GPD2: variants seen among roughly 807,000 people sequenced by gnomAD.
GPD2 encodes glycerol-3-phosphate dehydrogenase 2, also known as glycerol-3-phosphate dehydrogenase, mitochondrial.
Under a neutral mutation model 82.4 loss-of-function variants are expected in GPD2, and 54 were observed. That is an observed-to-expected ratio of 0.66 (90% CI 0.53 to 0.82). The LOEUF is 0.82. GPD2 is among the 40% of genes least tolerant of loss of function. The pLI, the probability that GPD2 is intolerant of heterozygous loss-of-function variation, is 0.00. For missense variants in GPD2, 748 were observed against 896.2 expected (o/e 0.83, Z 2.11); for synonymous variants, 288 against 306.1 (o/e 0.94, Z 0.62).
At chr2:156,557,292 C>T in intron 8 of GPD2, 97 bp from the exon 9 acceptor site, 2 of 801,834 alleles carry the variant, frequency 2.5e-6, no homozygotes, top group Non-Finnish European at 4.3e-6. Flanking sequence ...TTCTTGTTTG[C>T]ATATTTGAGA....
chr2:156,450,687 C>CTTTTTT (rs1382838048), intron 1 of GPD2, among the ~76,000 whole-genome samples: 2 of 91,052 alleles, frequency 2.2e-5, no homozygotes, highest in African/African-American at 8.2e-5. Context: ...TTTTTTATTG[C>CTTTTTT]TCATTCTTGG....
intron 1 of GPD2, among the ~76,000 whole-genome samples, chr2:156,462,379 G>A (rs298251): frequency 0.62 from 94,121 of 151,268 alleles, 30,137 homozygotes; most frequent in East Asian, 0.79. Context: ...TCCGCCTCCC[G>A]GGTTCAAGCA....
chr2:156,469,038 T>C (rs576433364), intron 1 of GPD2, among the ~76,000 whole-genome samples: 2 of 152,358 alleles, frequency 1.3e-5, no homozygotes, highest in East Asian at 3.9e-4. Context: ...AGTTCATTTG[T>C]TTTTATTTTT....
intron 6 of GPD2, among the ~76,000 whole-genome samples, chr2:156,548,846 G>A (rs980359415): frequency 2.0e-5 from 3 of 152,104 alleles, no homozygotes; most frequent in Non-Finnish European, 4.4e-5. Context: ...TTCCTGGTCA[G>A]CGTTAACTCC....
intron 2 of GPD2, among the ~76,000 whole-genome samples, chr2:156,484,258 C>T (rs1394899081): frequency 6.6e-6 from 1 of 152,008 alleles, no homozygotes; most frequent in African/African-American, 2.4e-5. Context: ...GCCTCAGCCC[C>T]CCAACTAGCT....
At chr2:156,508,761 C>T (rs759926024) in intron 3 of GPD2, among the ~76,000 whole-genome samples, 1 of 152,176 alleles carries the variant, frequency 6.6e-6, no homozygotes, top group Admixed American at 6.5e-5. Flanking sequence ...AGAAGAAGAA[C>T]TCTGTGTTGG....
At chr2:156,401,114 G>GT in the GPD2 span, among the ~76,000 whole-genome samples, 6 of 152,142 alleles carry the variant, frequency 3.9e-5, no homozygotes. Flanking sequence ...TCCTGTGTAT[G>GT]ATACCCACAG....
chr2:156,557,404 A>C lies in GPD2; in HGVS notation c.987A>C (p.Gly329=), dbSNP rs777739698. 6.2e-7 allele frequency: 1 copy of C among 1,603,142 alleles called. No homozygotes were observed. The highest frequency in any genetic ancestry group is 8.5e-7 in the Non-Finnish European group (1 of 1,170,440). ...MPGYYSPESM[G]LLDPATSDGR... ...TGTATCTCAGCCCAGAGAGCATGGGACTTCTTGACCCAGCGACCAGTGATG... is the reference window on the plus strand; with the variant it reads ...TGTATCTCAGCCCAGAGAGCATGGGCCTTCTTGACCCAGCGACCAGTGATG... Residue 329 remains glycine (G), a synonymous_variant, in exon 9 of 17, where the codon GGA becomes GGC. Transcript: ENST00000438166.
chr2:156,444,452 C>T (rs892389088), intron 1 of GPD2, among the ~76,000 whole-genome samples: 1 of 152,156 alleles, frequency 6.6e-6, no homozygotes, highest in Non-Finnish European at 1.5e-5. Flanking sequence ...GTGGCTCATG[C>T]CTGTAATCCC....
At chr2:156,414,559 A>G in the GPD2 span, among the ~76,000 whole-genome samples, 1 of 152,212 alleles carries the variant, frequency 6.6e-6, no homozygotes, top group South Asian at 2.1e-4. Flanking sequence ...TACATGCTTT[A>G]TGGAAAAGAT....
Position 156,470,120 on chromosome 2 carries a change from C to T in GPD2, c.-8-5978C>T, listed in dbSNP as rs375261271. ...CAAGATGGAGTTCCTCTGGTTCACA[C>T]GCCTCTGACAAAGGGACCCAGGGCT... On this transcript the variant is annotated intron_variant, in intron 1 of 16. Transcript: ENST00000438166. Among the ~76,000 whole-genome samples the T allele has an allele frequency of 1.4e-4, 22 of 152,258 alleles. No individual in the cohort carries two copies. In the East Asian group the frequency reaches 2.5e-3, roughly 17 times the overall value.
intron 6 of GPD2, among the ~76,000 whole-genome samples, chr2:156,540,746 C>T (rs946598070): frequency 2.0e-5 from 3 of 152,248 alleles, no homozygotes; most frequent in East Asian, 1.9e-4. Context: ...AAAACCATTC[C>T]CCATCTTCCT....
chr2:156,416,176 A>G, the GPD2 span, among the ~76,000 whole-genome samples: 1 of 150,956 alleles, frequency 6.6e-6, no homozygotes, highest in Non-Finnish European at 1.5e-5. Context: ...GTATATACAT[A>G]TATATATATA....
rs1688123411 is a variant in GPD2 at position 156,583,965 on chromosome 2, A to G, written c.*1047A>G. Reference sequence around the variant, plus strand: ...AGTAAAGGAAGATGGAATAGACTTTAGTTAACTTTAATTATAATTATATGT... The same window carrying G: ...AGTAAAGGAAGATGGAATAGACTTTGGTTAACTTTAATTATAATTATATGT... On this transcript the variant is annotated 3_prime_UTR_variant, in exon 17 of 17. Coordinates refer to ENST00000438166, the MANE Select transcript of GPD2 (RefSeq NM_000408.5). 6.6e-6 allele frequency: 1 copy of G among 152,178 alleles called. No homozygotes were observed. The highest frequency in any genetic ancestry group is 1.5e-5 in the Non-Finnish European group (1 of 67,984). 9.4% of individuals were successfully genotyped at this position (152,178 alleles called of 1,614,324 possible). A position where few individuals can be genotyped will look rare whatever the true frequency, so the allele number is the denominator to read the frequency against.
At chr2:156,525,296 G>A (rs1468481854) in intron 6 of GPD2, among the ~76,000 whole-genome samples, 2 of 152,132 alleles carry the variant, frequency 1.3e-5, no homozygotes, top group African/African-American at 4.8e-5. Flanking sequence ...GAGCCCTTTT[G>A]ATACCCTGTC....
chr2:156,416,173 C>T, the GPD2 span, among the ~76,000 whole-genome samples: 2 of 149,860 alleles, frequency 1.3e-5, no homozygotes, highest in African/African-American at 4.9e-5. Flanking sequence ...GTTGTATATA[C>T]ATATATATAT....
intron 6 of GPD2, among the ~76,000 whole-genome samples, chr2:156,545,776 T>A (rs1021651376): frequency 6.6e-6 from 1 of 152,212 alleles, no homozygotes; most frequent in Non-Finnish European, 1.5e-5. Context: ...ACATCAGTGA[T>A]TATTTTTCTT....
intron 6 of GPD2, among the ~76,000 whole-genome samples, chr2:156,535,817 G>T (rs904206101): frequency 6.6e-6 from 1 of 152,142 alleles, no homozygotes; most frequent in Non-Finnish European, 1.5e-5. Context: ...TCTTTAAAGC[G>T]GTGTTAGAGA....
intron 6 of GPD2, among the ~76,000 whole-genome samples, chr2:156,534,026 T>C (rs929629164): frequency 1.3e-5 from 2 of 152,220 alleles, no homozygotes; most frequent in African/African-American, 4.8e-5. Flanking sequence ...GGTTCTTGTC[T>C]GGTATCCAGG....
Sources: gnomAD v4.1 joint callset for allele counts (sites outside exome capture counted in the v4.1 genomes callset) on GRCh38, gnomAD v4.1.1 for gene constraint, MANE v1.5 for transcripts, NCBI Gene and HGNC (gene_info 2026-07-23, HGNC 2026-07-21) for gene names.